GBE1: variants seen among roughly 807,000 people sequenced by gnomAD.
GBE1 encodes the protein 1,4-alpha-glucan-branching enzyme.
In GBE1, 70 loss-of-function variants were observed where a neutral mutation model predicts 88.8. The ratio of observed to expected loss-of-function variants is 0.79; its 90% CI spans 0.65 to 0.96. GBE1 has a LOEUF of 0.96. Ranked by LOEUF, GBE1 falls within the 40% of genes least tolerant of loss-of-function variation. The pLI, the probability that GBE1 is intolerant of heterozygous loss-of-function variation, is 0.00. For synonymous variants in GBE1, 284 were observed against 300.1 expected, an observed-to-expected ratio of 0.95 and a Z score of 0.56; for missense variants, 872 against 871.0, an observed-to-expected ratio of 1.00 and a Z score of -0.01.
intron 7 of GBE1, among the ~76,000 whole-genome samples, chr3:81,628,201 T>A (rs1345464412): frequency 6.6e-6 from 1 of 152,152 alleles, no homozygotes; most frequent in Non-Finnish European, 1.5e-5. Flanking sequence ...TGCATTAGCA[T>A]ACATATTGTG....
rs138511871 is a variant in GBE1, at chr3:81,627,398, G to A, written c.992+15383C>T. Among the ~76,000 whole-genome samples, 7 of 152,202 alleles carry A rather than the reference G, an allele frequency of 4.6e-5. No individual in the cohort carries two copies. In the East Asian group the frequency reaches 1.4e-3, roughly 29 times the overall value. On this transcript the variant is annotated intron_variant, in intron 7 of 15. Transcript: ENST00000429644. The stretch of plus-strand genomic sequence containing the variant: ...TTGCCCTGCTGAAACTTTTATTATT[G>A]GCTTCGTATAAAGGAGAAAAGCAAA...
chr3:81,699,861 ACCATCACAAGCCT>A (rs1408313386), intron 2 of GBE1, among the ~76,000 whole-genome samples: 2 of 152,202 alleles, frequency 1.3e-5, no homozygotes, highest in African/African-American at 4.8e-5. Context: ...CTCAGTATTA[ACCATCACAAGCCT>A]CCATAAAAGA....
chr3:81,574,933 G>A (rs1329470312), intron 12 of GBE1, among the ~76,000 whole-genome samples: 5 of 152,162 alleles, frequency 3.3e-5, no homozygotes, highest in African/African-American at 1.2e-4. Context: ...GGGAGGCCGA[G>A]GCAGGCGAAT....
intron 3 of GBE1, among the ~76,000 whole-genome samples, chr3:81,663,913 C>T (rs1026831097): frequency 6.6e-6 from 1 of 152,128 alleles, no homozygotes; most frequent in Admixed American, 6.6e-5. Flanking sequence ...TTAATTAGTT[C>T]ATGACACTAA....
chr3:81,508,960 G>C (rs1239803247), intron 14 of GBE1, among the ~76,000 whole-genome samples: 5 of 152,064 alleles, frequency 3.3e-5, no homozygotes, highest in Non-Finnish European at 7.4e-5. Context: ...ATTAACTGAA[G>C]CAATCTATTA....
rs147266414 is a variant in GBE1, at chr3:81,754,668, T to C, written c.143+6707A>G. On this transcript the variant is annotated intron_variant, in intron 1 of 15. Coordinates refer to ENST00000429644, the MANE Select transcript of GBE1 (RefSeq NM_000158.4). ...ACAGAATGGAGAACTCAGATCTAAA[T>C]ACACACATTTGCCACCAACTCATCT... Among the ~76,000 whole-genome samples the C allele has an allele frequency of 7.9e-4, 120 of 152,170 alleles. No homozygotes were observed. The East Asian group carries it at 0.019, about 24-fold the overall frequency.
At chr3:81,576,933 A>G (rs1435823443) in intron 12 of GBE1, among the ~76,000 whole-genome samples, 1 of 152,088 alleles carries the variant, frequency 6.6e-6, no homozygotes, top group African/African-American at 2.4e-5. Context: ...AGAAGTGAAT[A>G]ATTCAAAGAT....
intron 1 of GBE1, among the ~76,000 whole-genome samples, chr3:81,738,217 G>A (rs1464327124): frequency 6.6e-6 from 1 of 151,548 alleles, no homozygotes; most frequent in African/African-American, 2.4e-5. Context: ...AAACATACGT[G>A]TGCATGTGTC....
intron 7 of GBE1, among the ~76,000 whole-genome samples, chr3:81,602,160 C>T (rs1298646388): frequency 6.6e-6 from 1 of 152,118 alleles, no homozygotes. Context: ...ATAAATTGGA[C>T]AATATAACAC....
intron 11 of GBE1, among the ~76,000 whole-genome samples, chr3:81,579,585 T>G (rs548483328): frequency 1.3e-5 from 2 of 152,268 alleles, no homozygotes; most frequent in African/African-American, 4.8e-5. Flanking sequence ...TTCAAGGAGT[T>G]TGCAATAGAA....
At chr3:81,640,046 C>T (rs1704648225) in intron 7 of GBE1, among the ~76,000 whole-genome samples, 1 of 152,162 alleles carries the variant, frequency 6.6e-6, no homozygotes, top group African/African-American at 2.4e-5. Flanking sequence ...GGACTTTGAT[C>T]ATGATTGCTA....
intron 1 of GBE1, among the ~76,000 whole-genome samples, chr3:81,707,025 T>C (rs145465775): frequency 7.3e-4 from 111 of 152,014 alleles, no homozygotes; most frequent in African/African-American, 2.5e-3. Flanking sequence ...AATATGGATA[T>C]AGCTGCTGAC....
At chr3:81,691,302 G>T (rs1705516380) in intron 2 of GBE1, among the ~76,000 whole-genome samples, 1 of 151,964 alleles carries the variant, frequency 6.6e-6, no homozygotes, top group African/African-American at 2.4e-5. Context: ...GGAAGAAAAA[G>T]GAGAACAAAA....
intron 7 of GBE1, among the ~76,000 whole-genome samples, chr3:81,599,428 C>A (rs1205116140): frequency 6.6e-6 from 1 of 151,952 alleles, no homozygotes; most frequent in Non-Finnish European, 1.5e-5. Flanking sequence ...GAAAAAATAA[C>A]CCACTCTAAT....
chr3:81,644,125 A>C (rs564382801), intron 6 of GBE1, among the ~76,000 whole-genome samples: 1 of 152,028 alleles, frequency 6.6e-6, no homozygotes, highest in East Asian at 1.9e-4. Flanking sequence ...GTCATCTACC[A>C]CGTACCATGA....
intron 2 of GBE1, among the ~76,000 whole-genome samples, chr3:81,701,454 C>T (rs1480115096): frequency 6.6e-6 from 1 of 151,880 alleles, no homozygotes; most frequent in Middle Eastern, 3.4e-3. Context: ...GGTTCAAATG[C>T]CTTTTGAAAT....
At position 81,490,235 on chromosome 3, in the gene GBE1, T is replaced by A; in HGVS notation, c.*172A>T. ...AATATTTTAAACATATTCTCCCATC[T>A]ACTTAAATAAAAGTTTGCTGTATTT... is the stretch of plus-strand genomic sequence containing the variant. On this transcript the variant is annotated 3_prime_UTR_variant, in exon 16 of 16. Transcript: ENST00000429644. 1.7e-6 allele frequency: 1 copy of A among 599,248 alleles called. No homozygotes were observed. Among genetic ancestry groups the A allele is most frequent in the South Asian group, 2.2e-5 (1 of 45,844 alleles). The allele number at this position is 599,248 out of a possible 1,614,324, so 37.1% of individuals were successfully genotyped here. A position where few individuals can be genotyped will look rare whatever the true frequency, so the allele number is the denominator to read the frequency against.
At chr3:81,586,230 A>C in intron 9 of GBE1, 40 bp from the exon 10 acceptor site, 2 of 1,234,116 alleles carry the variant, frequency 1.6e-6, no homozygotes, top group Non-Finnish European at 2.3e-6. Flanking sequence ...TCAAACTTTT[A>C]GTAAATATTC....
chr3:81,728,138 C>A (rs1166037845), intron 1 of GBE1, among the ~76,000 whole-genome samples: 1 of 151,810 alleles, frequency 6.6e-6, no homozygotes, highest in Non-Finnish European at 1.5e-5. Flanking sequence ...TATAATAATA[C>A]TGAGGGTAAA....
Sources: allele counts gnomAD v4.1 joint callset (sites outside exome capture counted in the v4.1 genomes callset), GRCh38; gene constraint gnomAD v4.1.1; transcripts MANE v1.5; gene names NCBI Gene and HGNC (gene_info 2026-07-23, HGNC 2026-07-21).